SAMD8: variants seen among roughly 807,000 people sequenced by gnomAD.
SAMD8 encodes the protein sterile alpha motif domain containing 8, also known as sphingomyelin synthase-related protein 1.
A neutral mutation model predicts 42.0 loss-of-function variants in SAMD8; 20 were observed. That is an observed-to-expected ratio of 0.48 (90% CI 0.34 to 0.69). The LOEUF is 0.69. Ranked by LOEUF, SAMD8 falls within the 30% of genes least tolerant of loss-of-function variation. The pLI is 0.01. For missense variants in SAMD8, 328 were observed against 511.6 expected (o/e 0.64, Z 3.46); for synonymous variants, 162 against 173.0 (o/e 0.94, Z 0.50).
intron 1 of SAMD8, among the ~76,000 whole-genome samples, chr10:75,104,704 G>C (rs1207279657): frequency 6.6e-6 from 1 of 152,166 alleles, no homozygotes; most frequent in African/African-American, 2.4e-5. Context: ...CTCAAGCCCA[G>C]CTATAACCCA....
At chr10:75,133,678 G>C (rs758250813) in intron 1 of SAMD8, among the ~76,000 whole-genome samples, 29 of 152,182 alleles carry the variant, frequency 1.9e-4, no homozygotes, top group Non-Finnish European at 3.8e-4. Context: ...GAATCTGGAG[G>C]ACATTATATT....
intron 1 of SAMD8, among the ~76,000 whole-genome samples, chr10:75,145,312 T>A (rs1300158619): frequency 6.6e-6 from 1 of 152,218 alleles, no homozygotes; most frequent in East Asian, 1.9e-4. Context: ...CTGAGTTAAT[T>A]TCCTTATCTG....
chr10:75,174,723 G>A lies in SAMD8; in HGVS notation c.793-1343G>A, dbSNP rs189277305. Among the ~76,000 whole-genome samples the A allele has an allele frequency of 2.2e-3, 334 of 151,900 alleles. 2 individuals carry two copies. The highest frequency in any genetic ancestry group is 6.8e-3 in the Middle Eastern group (2 of 292). On this transcript the variant is annotated intron_variant, in intron 4 of 5. Coordinates refer to ENST00000542569, the MANE Select transcript of SAMD8 (RefSeq NM_001174156.2). Reference sequence around the variant, plus strand: ...GCTGGGATTATAGGCGTGAGCCACCGCACCCTGCAGTATGCTTTTTTTTTT... The same window carrying A: ...GCTGGGATTATAGGCGTGAGCCACCACACCCTGCAGTATGCTTTTTTTTTT...
chr10:75,163,852 G>A (rs965467012), intron 2 of SAMD8, among the ~76,000 whole-genome samples: 1 of 152,000 alleles, frequency 6.6e-6, no homozygotes, highest in African/African-American at 2.4e-5. Flanking sequence ...AGGAAAAAGG[G>A]ACAAATTGAA....
intron 1 of SAMD8, among the ~76,000 whole-genome samples, chr10:75,149,938 G>T (rs1840242258): frequency 6.6e-6 from 1 of 151,928 alleles, no homozygotes; most frequent in African/African-American, 2.4e-5. Context: ...TTATTAGTGT[G>T]TTAATCTATT....
At chr10:75,102,008 C>T (rs373759620) in intron 1 of SAMD8, 71 of 1,306,730 alleles carry the variant, frequency 5.4e-5, no homozygotes, top group African/African-American at 2.6e-4. Flanking sequence ...GTCTACTCCC[C>T]TCTTCCAGCC....
At chr10:75,146,101 C>T (rs1840123757) in intron 1 of SAMD8, among the ~76,000 whole-genome samples, 1 of 151,984 alleles carries the variant, frequency 6.6e-6, no homozygotes, top group Non-Finnish European at 1.5e-5. Flanking sequence ...TTGATTGCCC[C>T]AAACTCTCAG....
chr10:75,135,453 CAAA>C (rs151099768), intron 1 of SAMD8, among the ~76,000 whole-genome samples: 3 of 117,380 alleles, frequency 2.6e-5, no homozygotes, highest in East Asian at 2.2e-4. Flanking sequence ...AATTCCATCT[CAAA>C]AAAAAAAAAA....
chr10:75,135,342 A>G (rs1173368615), intron 1 of SAMD8, among the ~76,000 whole-genome samples: 3 of 151,522 alleles, frequency 2.0e-5, no homozygotes, highest in African/African-American at 7.3e-5. Context: ...AATCCCAGCT[A>G]CTCAGGAGGC....
intron 1 of SAMD8, among the ~76,000 whole-genome samples, chr10:75,138,665 ATC>A (rs1233495162): frequency 6.6e-6 from 1 of 152,154 alleles, no homozygotes; most frequent in Non-Finnish European, 1.5e-5. Context: ...GGCTGCTGAA[ATC>A]TCTAATTAGT....
At chr10:75,115,668 C>T (rs540409590) in intron 1 of SAMD8, among the ~76,000 whole-genome samples, 5 of 152,234 alleles carry the variant, frequency 3.3e-5, no homozygotes, top group Admixed American at 6.5e-5. Context: ...ACTGCGGGCA[C>T]GGTGGCTCAC....
Position 75,176,712 on chromosome 10 carries a change from T to A in SAMD8, c.*20T>A. 1.4e-6 allele frequency: 2 copies of A among 1,471,544 alleles called. No homozygotes were observed. Among genetic ancestry groups the A allele is most frequent in the Middle Eastern group, 3.6e-4 (2 of 5,630 alleles). 91.2% of individuals were successfully genotyped at this position (1,471,544 alleles called of 1,614,324 possible). ...GGATGAATACTATCTTTCTAATGAA[T>A]TTGTGATTAAATATATAATAGTTGT... On this transcript the variant is annotated 3_prime_UTR_variant, in exon 6 of 6. Coordinates refer to ENST00000542569, the MANE Select transcript of SAMD8 (RefSeq NM_001174156.2). The surrounding 1 kb of genome is among the most constrained non-coding windows in gnomAD (Gnocchi z 4.3).
chr10:75,120,415 G>A (rs1490800933), intron 1 of SAMD8, among the ~76,000 whole-genome samples: 7 of 151,758 alleles, frequency 4.6e-5, no homozygotes, highest in Non-Finnish European at 7.4e-5. Context: ...GATTACAGGC[G>A]CCTGCCACCA....
Position 75,164,653 on chromosome 10 carries a change from G to C in SAMD8, c.587G>C (p.Arg196Thr). The C allele has an allele frequency of 1.9e-6, 3 of 1,613,874 alleles. No homozygotes were observed. Among genetic ancestry groups the C allele is most frequent in the Non-Finnish European group, 2.5e-6 (3 of 1,179,924 alleles). The stretch of plus-strand genomic sequence containing the variant: ...ATTTTTTTCTGTTCCAGCGTTCCTA[G>C]AATCCCATGGGCCTTTGCCATGACG... ...LPDIFLDSVPRIPWAFAMTEV... is the reference protein window; with the variant it reads ...LPDIFLDSVPTIPWAFAMTEV... The change falls in exon 3 of 6, where the codon AGA becomes ACA. Residue 196 changes from arginine to threonine, a missense_variant. Coordinates refer to ENST00000542569, the MANE Select transcript of SAMD8 (RefSeq NM_001174156.2).
chr10:75,137,024 C>A (rs1051485547), intron 1 of SAMD8, among the ~76,000 whole-genome samples: 1 of 152,090 alleles, frequency 6.6e-6, no homozygotes, highest in Non-Finnish European at 1.5e-5. Flanking sequence ...TATGGTGACT[C>A]CTCAAAAAAT....
chr10:75,111,102 C>G (rs934689597), upstream of SAMD8, among the ~76,000 whole-genome samples: 6 of 152,210 alleles, frequency 3.9e-5, no homozygotes, highest in Non-Finnish European at 7.3e-5. Context: ...CGTGAGCCTC[C>G]GCTCCCGGCC....
chr10:75,172,496 A>G (rs575183961), intron 4 of SAMD8, among the ~76,000 whole-genome samples: 1 of 149,960 alleles, frequency 6.7e-6, no homozygotes, highest in Non-Finnish European at 1.5e-5. Context: ...CACCACAGCC[A>G]ACTGATTTTT....
At chr10:75,172,277 A>T (rs1424453522) in intron 4 of SAMD8, among the ~76,000 whole-genome samples, 3 of 152,148 alleles carry the variant, frequency 2.0e-5, no homozygotes, top group Non-Finnish European at 2.9e-5. Flanking sequence ...TGTACATGGT[A>T]TGAAGCGTTT....
chr10:75,143,967 T>C (rs1840076865), intron 1 of SAMD8, among the ~76,000 whole-genome samples: 1 of 137,168 alleles, frequency 7.3e-6, no homozygotes, highest in Non-Finnish European at 1.6e-5. Flanking sequence ...TAATTTAAAC[T>C]TTTTTTTTTT....
Sources: allele counts gnomAD v4.1 joint callset (sites outside exome capture counted in the v4.1 genomes callset), GRCh38; gene constraint gnomAD v4.1.1; non-coding constraint Gnocchi (gnomAD v3.1); transcripts MANE v1.5; gene names NCBI Gene and HGNC (gene_info 2026-07-23, HGNC 2026-07-21).